Variants in PHF24 observed in about 807,000 individuals in gnomAD.
PHF24 encodes PHD finger protein 24.
A neutral mutation model predicts 42.6 loss-of-function variants in PHF24; 25 were observed. The observed-to-expected ratio is 0.59, with a 90% CI of 0.43 to 0.82. The LOEUF (loss-of-function observed/expected upper bound fraction) is 0.82. PHF24 is among the 40% of genes least tolerant of loss of function. PHF24 has a pLI of 0.00. For missense variants in PHF24, 470 were observed against 538.1 expected (o/e 0.87, Z 1.25); for synonymous variants, 185 against 204.8 (o/e 0.90, Z 0.83).
At chr9:34,713,743 A>G in the PHF24 span, among the ~76,000 whole-genome samples, 1 of 152,196 alleles carries the variant, frequency 6.6e-6, no homozygotes, top group South Asian at 2.1e-4. Context: ...CTTAGAATCT[A>G]TATTTAATAC....
chr9:34,723,196 C>T, the PHF24 span: 145 of 1,536,468 alleles, frequency 9.4e-5, no homozygotes, highest in Non-Finnish European at 1.1e-4. Flanking sequence ...TCTCCTTGAG[C>T]GGACCAATGT....
chr9:34,710,860 G>A, the PHF24 span, among the ~76,000 whole-genome samples: 2 of 152,124 alleles, frequency 1.3e-5, no homozygotes, highest in Non-Finnish European at 2.9e-5. Flanking sequence ...GGGCTCAAGC[G>A]ATCCTCCTGC....
At chr9:34,686,537 T>C in the PHF24 span, among the ~76,000 whole-genome samples, 1 of 152,302 alleles carries the variant, frequency 6.6e-6, no homozygotes, top group Admixed American at 6.5e-5. Flanking sequence ...TGGAGTTGGA[T>C]GAGGCCCAAC....
the PHF24 span, among the ~76,000 whole-genome samples, chr9:34,678,699 C>T: frequency 2.6e-5 from 4 of 151,908 alleles, no homozygotes; most frequent in East Asian, 3.9e-4. Context: ...GACACGATCT[C>T]GGCTCACTGC....
chr9:34,720,615 C>CCA, the PHF24 span, among the ~76,000 whole-genome samples: 4 of 152,124 alleles, frequency 2.6e-5, no homozygotes, highest in Admixed American at 2.6e-4. Context: ...CTTCCATCTT[C>CCA]TCAGGGCAGC....
At chr9:34,859,591 A>G in the PHF24 span, among the ~76,000 whole-genome samples, 1 of 150,418 alleles carries the variant, frequency 6.6e-6, no homozygotes, top group East Asian at 1.9e-4. Flanking sequence ...CTGTGGAAGA[A>G]AAGGGCTTTG....
the PHF24 span, among the ~76,000 whole-genome samples, chr9:34,824,523 A>T: frequency 6.6e-6 from 1 of 151,810 alleles, no homozygotes; most frequent in African/African-American, 2.4e-5. Context: ...AATCATGGTG[A>T]TATTAAAGTA....
upstream of PHF24, chr9:34,958,204 G>A (rs1169224215): frequency 1.3e-5 from 2 of 153,780 alleles, no homozygotes; most frequent in Non-Finnish European, 2.8e-5. This position sits in a 1 kb window ranked among gnomAD's most constrained non-coding sequence, Gnocchi z 4.5. Flanking sequence ...CCCCGGGGCG[G>A]GTGGGTGTGC....
the PHF24 span, among the ~76,000 whole-genome samples, chr9:34,906,346 A>G: frequency 1.3e-5 from 2 of 152,172 alleles, no homozygotes. Context: ...GGTTCAGCCC[A>G]GAAAGGCAGG....
At chr9:34,810,784 A>G in the PHF24 span, among the ~76,000 whole-genome samples, 25 of 151,944 alleles carry the variant, frequency 1.6e-4, no homozygotes, top group Non-Finnish European at 2.9e-4. Context: ...CTCTTTCCCT[A>G]TTCGGATTTT....
upstream of PHF24, chr9:34,957,674 G>A (rs899035533): frequency 3.3e-5 from 5 of 152,366 alleles, no homozygotes; most frequent in Admixed American, 2.0e-4. Flanking sequence ...GGGACCCTCC[G>A]GAGGCCAGTG....
At chr9:34,739,505 T>C in the PHF24 span, among the ~76,000 whole-genome samples, 1 of 152,218 alleles carries the variant, frequency 6.6e-6, no homozygotes, top group African/African-American at 2.4e-5. Context: ...TTGGTCTCAC[T>C]GACTTCAAGA....
the PHF24 span, among the ~76,000 whole-genome samples, chr9:34,687,296 C>T: frequency 3.1e-4 from 47 of 152,162 alleles, no homozygotes; most frequent in African/African-American, 8.9e-4. Context: ...GAGGGTGGCC[C>T]CAGGGAGAGT....
At chr9:34,688,438 G>A in the PHF24 span, among the ~76,000 whole-genome samples, 2 of 152,178 alleles carry the variant, frequency 1.3e-5, no homozygotes, top group Admixed American at 6.5e-5. Flanking sequence ...ATCTCCCAGA[G>A]CTGAGATTCC....
chr9:34,806,031 T>C, the PHF24 span, among the ~76,000 whole-genome samples: 2 of 152,222 alleles, frequency 1.3e-5, no homozygotes, highest in African/African-American at 4.8e-5. Flanking sequence ...TGTCCATAGA[T>C]GTATGGGCTT....
chr9:34,784,331 G>C, the PHF24 span, among the ~76,000 whole-genome samples: 1 of 152,210 alleles, frequency 6.6e-6, no homozygotes, highest in Non-Finnish European at 1.5e-5. Flanking sequence ...TCATGCTTCA[G>C]GGAGTAGGAA....
chr9:34,836,081 T>C, the PHF24 span: 1 of 546,418 alleles, frequency 1.8e-6, no homozygotes, highest in South Asian at 1.5e-5. Flanking sequence ...CAAACATTAA[T>C]GATGGAGTAG....
chr9:34,815,969 A>G, the PHF24 span, among the ~76,000 whole-genome samples: 1 of 152,226 alleles, frequency 6.6e-6, no homozygotes, highest in Non-Finnish European at 1.5e-5. Flanking sequence ...TAGGAAGCAG[A>G]TAGCTAAGAT....
At chr9:34,690,200 C>G in the PHF24 span, 1 of 1,613,950 alleles carries the variant, frequency 6.2e-7, no homozygotes. Flanking sequence ...ACACCCTCCC[C>G]ACAACTCACA....
Sources: allele counts gnomAD v4.1 joint callset (sites outside exome capture counted in the v4.1 genomes callset), GRCh38; gene constraint gnomAD v4.1.1; non-coding constraint Gnocchi (gnomAD v3.1); transcripts MANE v1.5; gene names NCBI Gene and HGNC (gene_info 2026-07-23, HGNC 2026-07-21).